PXDNL: variants seen among roughly 807,000 people sequenced by gnomAD.
PXDNL encodes the protein peroxidasin like.
In PXDNL, 145 loss-of-function variants were observed where a neutral mutation model predicts 150.8. The ratio of observed to expected loss-of-function variants is 0.96; its 90% confidence interval spans 0.84 to 1.10. The LOEUF (loss-of-function observed/expected upper bound fraction) is 1.10, where lower values mean the gene tolerates loss of function less well. PXDNL is among the 50% of genes least tolerant of loss of function. The probability of loss-of-function intolerance (pLI) is 0.00; values close to 1 mark genes in which losing one functional copy is unlikely to be tolerated. For missense variants in PXDNL, 2,087 were observed against 1,873.9 expected (o/e 1.11, Z -2.10); for synonymous variants, 757 against 725.7 (o/e 1.04, Z -0.69).
chr8:51,557,232 T>C (rs1209063936), intron 3 of PXDNL, among the ~76,000 whole-genome samples: 1 of 152,118 alleles, frequency 6.6e-6, no homozygotes, highest in East Asian at 1.9e-4. Flanking sequence ...CTATAAACAA[T>C]TTTTTAAAAT....
intron 3 of PXDNL, among the ~76,000 whole-genome samples, chr8:51,584,643 T>G (rs920959446): frequency 2.0e-5 from 3 of 152,256 alleles, no homozygotes; most frequent in African/African-American, 7.2e-5. Context: ...CAAGAGAGTA[T>G]GTGAAGGTGG....
intron 2 of PXDNL, among the ~76,000 whole-genome samples, chr8:51,626,767 A>G (rs1239668800): frequency 1.3e-5 from 2 of 152,226 alleles, no homozygotes; most frequent in Non-Finnish European, 2.9e-5. Flanking sequence ...CCAAATCAGT[A>G]AACCTAGTAA....
At chr8:51,639,472 G>A (rs1194848342) in intron 2 of PXDNL, among the ~76,000 whole-genome samples, 1 of 151,940 alleles carries the variant, frequency 6.6e-6, no homozygotes, top group Non-Finnish European at 1.5e-5. Flanking sequence ...TAATAAAGAA[G>A]AAAAGAGAGA....
intron 19 of PXDNL, among the ~76,000 whole-genome samples, chr8:51,356,348 G>A (rs1368394737): frequency 1.3e-5 from 2 of 152,110 alleles, no homozygotes; most frequent in Admixed American, 1.3e-4. Flanking sequence ...AATTAGCTTG[G>A]TGTGGTGGCG....
At chr8:51,325,429 A>T (rs1012174466) in intron 21 of PXDNL, among the ~76,000 whole-genome samples, 12 of 152,270 alleles carry the variant, frequency 7.9e-5, no homozygotes, top group Admixed American at 3.3e-4. Flanking sequence ...CTCCGTTGAC[A>T]CACAAAGGGG....
intron 2 of PXDNL, among the ~76,000 whole-genome samples, chr8:51,611,190 G>A (rs1365365280): frequency 2.0e-5 from 3 of 152,066 alleles, no homozygotes; most frequent in Non-Finnish European, 4.4e-5. Flanking sequence ...ATTTTAATTA[G>A]CATGCCATGT....
At chr8:51,388,260 C>A in intron 17 of PXDNL, among the ~76,000 whole-genome samples, 1 of 152,244 alleles carries the variant, frequency 6.6e-6, no homozygotes. Context: ...TATTTTCAAG[C>A]TATCTTTATA....
chr8:51,396,460 A>AT (rs112349372), intron 17 of PXDNL, among the ~76,000 whole-genome samples: 32 of 152,316 alleles, frequency 2.1e-4, no homozygotes, highest in African/African-American at 7.5e-4. Context: ...TCAATCTGGG[A>AT]TTTAAAAATA....
intron 6 of PXDNL, among the ~76,000 whole-genome samples, chr8:51,478,135 C>A (rs1810523165): frequency 6.6e-6 from 1 of 151,830 alleles, no homozygotes; most frequent in South Asian, 2.1e-4. Flanking sequence ...TAATTTAGAG[C>A]CATGAATATT....
At chr8:51,348,875 A>G (rs935173974) in intron 19 of PXDNL, among the ~76,000 whole-genome samples, 3 of 152,214 alleles carry the variant, frequency 2.0e-5, no homozygotes, top group Non-Finnish European at 4.4e-5. Flanking sequence ...CTCAAAAGCC[A>G]TAACACTACA....
intron 4 of PXDNL, among the ~76,000 whole-genome samples, chr8:51,517,966 T>C (rs1563447375): frequency 1.3e-5 from 2 of 152,240 alleles, no homozygotes. Flanking sequence ...TTTAACAGAT[T>C]GCTTCTGTTT....
At chr8:51,795,008 A>G (rs2037547356) in intron 1 of PXDNL, among the ~76,000 whole-genome samples, 2 of 152,190 alleles carry the variant, frequency 1.3e-5, no homozygotes, top group Non-Finnish European at 2.9e-5. Context: ...GTTTCTGACA[A>G]AACAGACTTT....
chr8:51,397,811 T>C (rs1808130962), intron 17 of PXDNL, among the ~76,000 whole-genome samples: 1 of 152,094 alleles, frequency 6.6e-6, no homozygotes, highest in African/African-American at 2.4e-5. Context: ...ACGTGCATGT[T>C]TGTTACATAT....
At chr8:51,596,010 G>A (rs180736387) in intron 2 of PXDNL, among the ~76,000 whole-genome samples, 87 of 152,230 alleles carry the variant, frequency 5.7e-4, no homozygotes, top group Admixed American at 5.2e-3. Context: ...CCCCGGTACT[G>A]AGAATAGTAC....
intron 1 of PXDNL, among the ~76,000 whole-genome samples, chr8:51,718,181 T>G (rs1401595364): frequency 6.6e-6 from 1 of 151,954 alleles, no homozygotes; most frequent in Non-Finnish European, 1.5e-5. Flanking sequence ...GGCCTGGGAT[T>G]GATTGTCCCA....
At chr8:51,351,823 C>T (rs576084822) in intron 19 of PXDNL, among the ~76,000 whole-genome samples, 2 of 152,276 alleles carry the variant, frequency 1.3e-5, no homozygotes, top group South Asian at 2.1e-4. Context: ...AGTTCCCTTC[C>T]ATGAGGCCCT....
At chr8:51,639,837 T>A (rs1814702291) in intron 2 of PXDNL, among the ~76,000 whole-genome samples, 1 of 152,066 alleles carries the variant, frequency 6.6e-6, no homozygotes, top group South Asian at 2.1e-4. Flanking sequence ...GTGGGAATCC[T>A]CCCTAACTCA....
At position 51,770,206 on chromosome 8, in the gene PXDNL, T is replaced by G. The variant is rs561287307; in HGVS notation, c.164+38975A>C. On this transcript the variant is annotated intron_variant, in intron 1 of 22. Transcript: ENST00000356297. ...CCCATCTCCTCACTTAGCTGCCTTG[T>G]GAATAAAATCTTTTCTCCACTGCAA... Among the ~76,000 whole-genome samples the G allele has an allele frequency of 5.9e-5, 9 of 152,316 alleles. No homozygotes were observed. In the East Asian group the frequency reaches 1.7e-3, roughly 29 times the overall value.
At chr8:51,350,321 C>T in intron 19 of PXDNL, among the ~76,000 whole-genome samples, 1 of 99,796 alleles carries the variant, frequency 1.0e-5, no homozygotes, top group Non-Finnish European at 2.4e-5. Context: ...GACTAGCCCT[C>T]CCACCCTAGT....
Sources: allele counts gnomAD v4.1 joint callset (sites outside exome capture counted in the v4.1 genomes callset), GRCh38; gene constraint gnomAD v4.1.1; transcripts MANE v1.5; gene names NCBI Gene and HGNC (gene_info 2026-07-23, HGNC 2026-07-21).